The following NCOR1 variants were observed in gnomAD, a reference collection of about 807,000 sequenced individuals.
NCOR1 encodes the protein protein phosphatase 1, regulatory subunit 109.
NCOR1 carries 63 observed loss-of-function variants against 288.1 expected under a neutral mutation model. The observed-to-expected ratio is 0.22, with a 90% confidence interval of 0.18 to 0.27. The LOEUF is 0.27. Ranked by LOEUF, NCOR1 falls within the 10% of genes least tolerant of loss-of-function variation. The pLI is 1.00. For missense variants in NCOR1, 2,397 were observed against 3,019.2 expected (o/e 0.79, Z 4.83); for synonymous variants, 1,007 against 1,065.9 (o/e 0.94, Z 1.08).
Position 16,104,133 on chromosome 17 carries a change from T to C in NCOR1, c.2183-2376A>G, listed in dbSNP as rs138658261. 4.1e-3 allele frequency among the ~76,000 whole-genome samples: 620 copies of C among 152,360 alleles called. 6 individuals carry two copies. The highest frequency in any genetic ancestry group is 0.014 in the African/African-American group (587 of 41,578). On this transcript the variant is annotated intron_variant, in intron 19 of 45. Transcript: ENST00000268712. ...TACTAGAATGATTTCTGGCTATTTC[T>C]TCCACTAGGCTATAAACTCCATGAA...
In NCOR1 at chr17:16,174,312, C is replaced by G. The variant is rs572953312; in HGVS notation, c.243-2317G>C. On this transcript the variant is annotated intron_variant, in intron 3 of 45. Coordinates refer to ENST00000268712, the MANE Select transcript of NCOR1 (RefSeq NM_006311.4). ...AAGCTTACTACAAAGCTATTATAAT[C>G]AAAAGATTCATCCTCCACTAAGGCC... Among the ~76,000 whole-genome samples, 63 of 152,196 alleles carry G rather than the reference C, an allele frequency of 4.1e-4. 1 individual carries two copies. The highest frequency in any genetic ancestry group is 7.9e-4 in the Admixed American group (12 of 15,282).
rs61215793 is a variant in NCOR1, at chr17:16,181,211, ATGTGTGTGTGTGTGTGTG to A, written c.242+5325_242+5342del. ...TGTGTGTGTGTATACATATATATGT[ATGTGTGTGTGTGTGTGTG>A]TGTGTGTGTGTGTGTGTGTGTGTGT... On this transcript the variant is annotated intron_variant, in intron 3 of 45. Transcript: ENST00000268712. 1.4e-4 allele frequency among the ~76,000 whole-genome samples: 19 copies of A among 139,580 alleles called. No individual in the cohort carries two copies. The South Asian group carries it at 3.1e-3, about 23-fold the overall frequency. The allele number at this position is 139,580 out of a possible 152,430, so 91.6% of individuals were successfully genotyped here.
intron 1 of NCOR1, among the ~76,000 whole-genome samples, chr17:16,196,421 G>A (rs1305315534): frequency 6.6e-6 from 1 of 152,076 alleles, no homozygotes; most frequent in African/African-American, 2.4e-5. Flanking sequence ...TGTAATCCCA[G>A]CACTTTGGGA....
chr17:16,212,449 A>G (rs961709027), intron 1 of NCOR1, among the ~76,000 whole-genome samples: 1 of 152,198 alleles, frequency 6.6e-6, no homozygotes, highest in South Asian at 2.1e-4. Flanking sequence ...TAATCTACAA[A>G]TAAGACTATA....
chr17:16,087,287 T>C, intron 22 of NCOR1: 1 of 1,304,296 alleles, frequency 7.7e-7, no homozygotes, highest in Non-Finnish European at 1.0e-6. Context: ...TGTGCATCTG[T>C]GCTTCCTGTT....
intron 18 of NCOR1, among the ~76,000 whole-genome samples, chr17:16,110,495 C>T (rs2069846297): frequency 6.6e-6 from 1 of 152,086 alleles, no homozygotes; most frequent in Non-Finnish European, 1.5e-5. Flanking sequence ...TACATGTGTA[C>T]ACATTTAACT....
chr17:16,138,288 G>A, intron 12 of NCOR1, 76 bp from the exon 13 acceptor site: 4 of 1,304,482 alleles, frequency 3.1e-6, no homozygotes, highest in Non-Finnish European at 3.2e-6. Flanking sequence ...CTTGGGAAAA[G>A]AAAGACTATG....
chr17:16,181,949 T>C (rs1486919150), intron 3 of NCOR1, among the ~76,000 whole-genome samples: 2 of 152,198 alleles, frequency 1.3e-5, no homozygotes, highest in African/African-American at 4.8e-5. Flanking sequence ...ACTTTTTTTT[T>C]TCCAAACCAA....
At chr17:16,070,118 T>G (rs2061576490) in intron 31 of NCOR1, 47 bp downstream of exon 31, 1 of 1,519,756 alleles carries the variant, frequency 6.6e-7, no homozygotes, top group Non-Finnish European at 8.8e-7. Context: ...TTTTTTTTTT[T>G]TTAAATGCAA....
At chr17:16,178,190 C>A (rs903765352) in intron 3 of NCOR1, among the ~76,000 whole-genome samples, 2 of 148,354 alleles carry the variant, frequency 1.3e-5, no homozygotes, top group Non-Finnish European at 3.0e-5. Context: ...GCAAAAAGAG[C>A]AAAACTCTGT....
intron 22 of NCOR1, chr17:16,091,431 T>C: frequency 2.1e-6 from 1 of 473,304 alleles, no homozygotes; most frequent in Middle Eastern, 1.1e-3. Flanking sequence ...AGGTGAAGGC[T>C]TAGCCAGCGT....
At position 16,032,196 on chromosome 17, in the gene NCOR1, A is replaced by G. The variant is rs1173027611; in HGVS notation, c.*100T>C. 16 of 1,202,680 alleles carry G rather than the reference A, an allele frequency of 1.3e-5. No individual in the cohort carries two copies. The highest frequency in any genetic ancestry group is 8.8e-5 in the East Asian group (3 of 34,278). 74.5% of individuals were successfully genotyped at this position (1,202,680 alleles called of 1,614,324 possible). A position where few individuals can be genotyped will look rare whatever the true frequency, so the allele number is the denominator to read the frequency against. ...TGGCTCTCCTGAAAAGTCTCAGGGA[A>G]TAAGTCACAGGAGGGCAGGTTTTTG... On this transcript the variant is annotated 3_prime_UTR_variant, in exon 46 of 46. Coordinates refer to ENST00000268712, the MANE Select transcript of NCOR1 (RefSeq NM_006311.4).
At chr17:16,210,584 CTGG>C (rs1162389191) in intron 1 of NCOR1, among the ~76,000 whole-genome samples, 2 of 152,052 alleles carry the variant, frequency 1.3e-5, no homozygotes, top group Non-Finnish European at 2.9e-5. Flanking sequence ...TAAATAATTC[CTGG>C]TGATCACTGT....
chr17:16,132,970 CTT>C (rs2075874466), intron 14 of NCOR1, among the ~76,000 whole-genome samples: 1 of 148,368 alleles, frequency 6.7e-6, no homozygotes, highest in South Asian at 2.2e-4. Context: ...CTCTTTCTCT[CTT>C]CTTTCTTTTT....
intron 33 of NCOR1, 35 bp downstream of exon 33, chr17:16,065,449 TA>T: frequency 3.7e-6 from 6 of 1,604,342 alleles, no homozygotes; most frequent in Non-Finnish European, 5.1e-6. Context: ...GTAAACATAA[TA>T]AATTCTACGA....
intron 28 of NCOR1, among the ~76,000 whole-genome samples, chr17:16,072,641 A>G (rs1181489654): frequency 6.6e-6 from 1 of 152,248 alleles, no homozygotes; most frequent in Non-Finnish European, 1.5e-5. Flanking sequence ...AATTGAAACG[A>G]AAGAGTTGTA....
chr17:16,207,389 C>T (rs760943832), intron 1 of NCOR1, among the ~76,000 whole-genome samples: 1 of 152,086 alleles, frequency 6.6e-6, no homozygotes, highest in Non-Finnish European at 1.5e-5. Context: ...GGTAAAGGGG[C>T]AATCTATAAG....
chr17:16,040,299 T>C, intron 43 of NCOR1, 142 bp downstream of exon 43: 1 of 753,232 alleles, frequency 1.3e-6, no homozygotes, highest in Non-Finnish European at 2.3e-6. Context: ...TGGGTAAACC[T>C]TCCTTCACTA....
intron 14 of NCOR1, among the ~76,000 whole-genome samples, chr17:16,137,009 T>C (rs997876675): frequency 1.3e-5 from 2 of 152,090 alleles, no homozygotes; most frequent in Non-Finnish European, 2.9e-5. Context: ...AAAGTATTAA[T>C]GGCTTCATAT....
Sources: gnomAD v4.1 joint callset for allele counts (sites outside exome capture counted in the v4.1 genomes callset) on GRCh38, gnomAD v4.1.1 for gene constraint, MANE v1.5 for transcripts, NCBI Gene and HGNC (gene_info 2026-07-23, HGNC 2026-07-21) for gene names.